Variants in HLCS observed in about 807,000 individuals in gnomAD.
The protein encoded by HLCS is holocarboxylase synthetase.
In HLCS, 53 loss-of-function variants were observed where a neutral mutation model predicts 75.0. The observed-to-expected ratio is 0.71, with a 90% CI of 0.57 to 0.89. The LOEUF is 0.89. Ranked by LOEUF, HLCS falls within the 40% of genes least tolerant of loss-of-function variation. The pLI is 0.00. For missense variants in HLCS, 966 were observed against 1,074.0 expected, an observed-to-expected ratio of 0.90 and a Z score of 1.41; for synonymous variants, 431 against 428.6, an observed-to-expected ratio of 1.01 and a Z score of -0.07.
At chr21:36,880,201 TA>T (rs2064150242) in intron 6 of HLCS, among the ~76,000 whole-genome samples, 1 of 152,172 alleles carries the variant, frequency 6.6e-6, no homozygotes, top group South Asian at 2.1e-4. Context: ...AAACTGCCTG[TA>T]ATCTTACAAC....
In HLCS at chr21:36,936,444, A is replaced by G. The variant is rs1390399397; in HGVS notation, c.1437+5T>C. On this transcript the variant is annotated splice_donor_5th_base_variant and intron_variant, in intron 4 of 10. Transcript: ENST00000674895. Reference sequence around the variant, plus strand: ...AGATCACCAAATCCATGCTGCCCTGAGTACCTGGCAAAGAACAGCTTCTCC... The same window carrying G: ...AGATCACCAAATCCATGCTGCCCTGGGTACCTGGCAAAGAACAGCTTCTCC... The G allele has an allele frequency of 1.2e-6, 2 of 1,609,796 alleles. No homozygotes were observed. The highest frequency in any genetic ancestry group is 1.7e-6 in the Non-Finnish European group (2 of 1,176,154).
intron 8 of HLCS, 68 bp downstream of exon 8, chr21:36,764,943 CT>C: frequency 6.5e-7 from 1 of 1,530,630 alleles, no homozygotes; most frequent in Non-Finnish European, 9.0e-7. Flanking sequence ...CAAGCACATG[CT>C]ATAAACAAGA....
At chr21:36,941,215 C>A (rs2067127919) in intron 2 of HLCS, among the ~76,000 whole-genome samples, 1 of 152,128 alleles carries the variant, frequency 6.6e-6, no homozygotes, top group Non-Finnish European at 1.5e-5. Flanking sequence ...CTGTCTCAAT[C>A]AATCAATCAA....
intron 10 of HLCS, among the ~76,000 whole-genome samples, chr21:36,756,026 G>A (rs1242145444): frequency 2.0e-5 from 3 of 152,184 alleles, no homozygotes; most frequent in Non-Finnish European, 4.4e-5. Context: ...GGAGGCATAA[G>A]ATGCCCGTTT....
chr21:36,913,184 G>A (rs1210858935), intron 5 of HLCS, among the ~76,000 whole-genome samples: 1 of 152,054 alleles, frequency 6.6e-6, no homozygotes, highest in Non-Finnish European at 1.5e-5. Context: ...GCAGTATACC[G>A]CAGAGCTGGA....
At position 36,759,102 on chromosome 21, in the gene HLCS, G is replaced by C. The variant is rs1286844778; in HGVS notation, c.2236+625C>G. On this transcript the variant is annotated intron_variant, in intron 9 of 10. Coordinates refer to ENST00000674895, the MANE Select transcript of HLCS (RefSeq NM_001352514.2). ...GCCTTGTATTCCCTGGCTGGCACTT[G>C]AAACACATGGTTACATGTTTTTTGA... 4 of 470,972 alleles carry C rather than the reference G, an allele frequency of 8.5e-6. No individual in the cohort carries two copies. The Admixed American group carries it at 9.4e-5, about 11-fold the overall frequency. The allele number at this position is 470,972 out of a possible 1,614,324, so 29.2% of individuals were successfully genotyped here.
intron 6 of HLCS, among the ~76,000 whole-genome samples, chr21:36,885,512 A>G (rs1448491049): frequency 1.3e-5 from 2 of 151,928 alleles, no homozygotes; most frequent in African/African-American, 4.8e-5. Context: ...TGTCTCAAAA[A>G]AAAAAAAAAA....
chr21:36,818,296 A>G lies in HLCS; in HGVS notation c.1893-51011T>C, dbSNP rs1000533463. Among the ~76,000 whole-genome samples the G allele has an allele frequency of 3.3e-5, 5 of 152,284 alleles. No homozygotes were observed. In the East Asian group the frequency reaches 9.7e-4, roughly 29 times the overall value. On this transcript the variant is annotated intron_variant, in intron 6 of 10. Transcript: ENST00000674895. Reference sequence around the variant, plus strand: ...CTAGAAGTTAATCCTATTTCTAAAGACCCTCCCGCGAGGAGCACATAGGCC... The same window carrying G: ...CTAGAAGTTAATCCTATTTCTAAAGGCCCTCCCGCGAGGAGCACATAGGCC...
chr21:36,984,214 C>T (rs1268816750), intron 1 of HLCS, among the ~76,000 whole-genome samples: 3 of 28,108 alleles, frequency 1.1e-4, no homozygotes, highest in Non-Finnish European at 2.3e-4. Flanking sequence ...GTAGAGTAGT[C>T]CCCCCTTATC....
chr21:36,923,386 A>C (rs1026479997), intron 5 of HLCS, among the ~76,000 whole-genome samples: 1 of 152,162 alleles, frequency 6.6e-6, no homozygotes, highest in African/African-American at 2.4e-5. Context: ...TAAACGGTGG[A>C]TATAAATAGA....
At chr21:36,765,783 G>A (rs2145770892) in intron 7 of HLCS, among the ~76,000 whole-genome samples, 1 of 152,254 alleles carries the variant, frequency 6.6e-6, no homozygotes, top group African/African-American at 2.4e-5. Flanking sequence ...AAGTAACTGG[G>A]ATTAAGGTGC....
Position 36,891,864 on chromosome 21 carries a change from A to G in HLCS, c.1892+4996T>C, listed in dbSNP as rs961301864. On this transcript the variant is annotated intron_variant, in intron 6 of 10. Coordinates refer to ENST00000674895, the MANE Select transcript of HLCS (RefSeq NM_001352514.2). The stretch of plus-strand genomic sequence containing the variant: ...CTGCAGCCCCAGCAGGAGATAAGAC[A>G]GATGCTTTACCACATAGAGCCCAGA... Among the ~76,000 whole-genome samples the G allele has an allele frequency of 4.6e-5, 7 of 152,250 alleles. No individual in the cohort carries two copies. The South Asian group carries it at 1.5e-3, about 32-fold the overall frequency.
At chr21:36,863,674 A>G (rs1268368641) in intron 6 of HLCS, among the ~76,000 whole-genome samples, 1 of 152,266 alleles carries the variant, frequency 6.6e-6, no homozygotes, top group African/African-American at 2.4e-5. Flanking sequence ...ATACAGATAG[A>G]TCTTTTCAGC....
chr21:36,824,542 C>A (rs2061948843), intron 6 of HLCS, among the ~76,000 whole-genome samples: 1 of 152,196 alleles, frequency 6.6e-6, no homozygotes, highest in South Asian at 2.1e-4. Flanking sequence ...CACCATGACA[C>A]ACATTTACCT....
chr21:36,818,985 A>G lies in HLCS; in HGVS notation c.1893-51700T>C, dbSNP rs1011296453. Among the ~76,000 whole-genome samples the G allele has an allele frequency of 2.0e-5, 3 of 152,160 alleles. No homozygotes were observed. The East Asian group carries it at 5.8e-4, about 29-fold the overall frequency. ...TATGGCTGGATGGCCCTCAAGACTG[A>G]CTGCGACAAATTATAAAGCAACGTC... On this transcript the variant is annotated intron_variant, in intron 6 of 10. Transcript: ENST00000674895.
At chr21:36,954,159 A>G (rs2067805627) in intron 2 of HLCS, among the ~76,000 whole-genome samples, 1 of 152,086 alleles carries the variant, frequency 6.6e-6, no homozygotes, top group African/African-American at 2.4e-5. Context: ...TACAAAAATT[A>G]GCCGGGCATG....
chr21:36,790,862 G>GA (rs762193342), intron 6 of HLCS, among the ~76,000 whole-genome samples: 10 of 151,904 alleles, frequency 6.6e-5, no homozygotes, highest in Admixed American at 2.6e-4. Context: ...TCTCTCCGTG[G>GA]AAAAAAAATG....
intron 6 of HLCS, among the ~76,000 whole-genome samples, chr21:36,836,888 T>A (rs1283370143): frequency 6.6e-6 from 1 of 151,940 alleles, no homozygotes; most frequent in African/African-American, 2.4e-5. Context: ...AATAAACATA[T>A]AAAAACTGCA....
chr21:36,917,019 G>A (rs2065962715), intron 5 of HLCS, among the ~76,000 whole-genome samples: 1 of 152,136 alleles, frequency 6.6e-6, no homozygotes, highest in Admixed American at 6.5e-5. Flanking sequence ...TGTGGCAAAA[G>A]GTTCACCAGT....
Sources: allele counts gnomAD v4.1 joint callset (sites outside exome capture counted in the v4.1 genomes callset), GRCh38; gene constraint gnomAD v4.1.1; transcripts MANE v1.5; gene names NCBI Gene and HGNC (gene_info 2026-07-23, HGNC 2026-07-21).